UTRN: variants seen among roughly 807,000 people sequenced by gnomAD.
The protein encoded by UTRN is utrophin.
UTRN carries 283 observed loss-of-function variants against 463.9 expected under a neutral mutation model. The observed-to-expected ratio is 0.61, with a 90% CI of 0.55 to 0.67. UTRN has a LOEUF of 0.67. UTRN is among the 30% of genes least tolerant of loss of function. The probability of loss-of-function intolerance (pLI) is 0.00; values close to 1 mark genes in which losing one functional copy is unlikely to be tolerated. For synonymous variants in UTRN, 1,442 were observed against 1,431.5 expected, an observed-to-expected ratio of 1.01 and a Z score of -0.17; for missense variants, 3,922 against 4,084.3, an observed-to-expected ratio of 0.96 and a Z score of 1.08.
chr6:144,447,885 C>A, intron 16 of UTRN, 104 bp downstream of exon 16: 1 of 1,159,748 alleles, frequency 8.6e-7, no homozygotes, highest in Non-Finnish European at 1.2e-6. Context: ...AAAGTTGTTT[C>A]CTTACACCTG....
chr6:144,535,537 G>A (rs1160693954), intron 43 of UTRN, among the ~76,000 whole-genome samples: 2 of 152,036 alleles, frequency 1.3e-5, no homozygotes, highest in Non-Finnish European at 2.9e-5. Flanking sequence ...CTCATTTTTT[G>A]GAAGTGAAAA....
At chr6:144,473,474 C>CA (rs1790874336) in intron 23 of UTRN, among the ~76,000 whole-genome samples, 1 of 152,028 alleles carries the variant, frequency 6.6e-6, no homozygotes, top group African/African-American at 2.4e-5. Context: ...TGCATTTAAG[C>CA]AAAAAGAGCT....
chr6:144,714,620 T>G (rs760682048), intron 53 of UTRN, among the ~76,000 whole-genome samples: 5 of 152,208 alleles, frequency 3.3e-5, no homozygotes, highest in African/African-American at 9.6e-5. Flanking sequence ...TGCAATCACA[T>G]AGCCAGACCT....
chr6:144,748,319 A>G lies in UTRN; in HGVS notation c.8013A>G (p.Lys2671=). ...AACAGTCTTCTGAAGTCAAAGAAAAATGGGAAAGTCTAAATGCTGTAACTA... is the reference window on the plus strand; with the variant it reads ...AACAGTCTTCTGAAGTCAAAGAAAAGTGGGAAAGTCTAAATGCTGTAACTA... The part of the protein sequence containing the change: ...MRKQSSEVKE[K]WESLNAVTSN... The change falls in exon 55 of 75, where the codon AAA becomes AAG. Residue 2671 remains lysine (K), a synonymous_variant. Coordinates refer to ENST00000367545, the MANE Select transcript of UTRN (RefSeq NM_007124.3). The G allele has an allele frequency of 3.1e-6, 5 of 1,613,564 alleles. No homozygotes were observed. Among genetic ancestry groups the G allele is most frequent in the Non-Finnish European group, 4.2e-6 (5 of 1,179,900 alleles).
chr6:144,664,595 G>T (rs1291731172), intron 51 of UTRN, among the ~76,000 whole-genome samples: 2 of 151,028 alleles, frequency 1.3e-5, no homozygotes, highest in Non-Finnish European at 2.9e-5. Context: ...AATAGGAAAA[G>T]AACATTATTA....
intron 13 of UTRN, among the ~76,000 whole-genome samples, chr6:144,443,855 C>T (rs1787403188): frequency 6.6e-6 from 1 of 151,838 alleles, no homozygotes; most frequent in African/African-American, 2.4e-5. Context: ...ATTTTCTTGG[C>T]ATGTAAAAGA....
chr6:144,725,345 A>G (rs1787755671), intron 53 of UTRN, among the ~76,000 whole-genome samples: 1 of 152,190 alleles, frequency 6.6e-6, no homozygotes, highest in African/African-American at 2.4e-5. Flanking sequence ...TAAATTACCC[A>G]GTCTCAGGTA....
chr6:144,330,958 C>G (rs960462264), intron 2 of UTRN: 2 of 985,138 alleles, frequency 2.0e-6, no homozygotes, highest in Non-Finnish European at 2.4e-6. Context: ...CACGCTGAGC[C>G]GACGAGAAAT....
chr6:144,752,012 C>T, intron 56 of UTRN, 60 bp downstream of exon 56: 1 of 1,470,122 alleles, frequency 6.8e-7, no homozygotes, highest in Non-Finnish European at 9.1e-7. Flanking sequence ...TTAAACCCTA[C>T]CTCACTATAT....
At chr6:144,443,172 C>T (rs115616891) in intron 13 of UTRN, among the ~76,000 whole-genome samples, 2,062 of 152,210 alleles carry the variant, frequency 0.014, 40 homozygotes, top group African/African-American at 0.047. Flanking sequence ...TCTGGTAAGA[C>T]GTTGCCAATT....
intron 2 of UTRN, among the ~76,000 whole-genome samples, chr6:144,340,579 C>G (rs565846626): frequency 6.6e-6 from 1 of 152,286 alleles, no homozygotes; most frequent in Non-Finnish European, 1.5e-5. Context: ...CCAATTCTTT[C>G]TTTCCTTTTT....
chr6:144,547,878 A>G (rs1798549260), intron 46 of UTRN, among the ~76,000 whole-genome samples: 1 of 152,208 alleles, frequency 6.6e-6, no homozygotes, highest in African/African-American at 2.4e-5. Flanking sequence ...TGGGATTTTT[A>G]TTAGGATTGT....
chr6:144,450,153 C>G (rs1379459554), intron 17 of UTRN, among the ~76,000 whole-genome samples: 1 of 152,154 alleles, frequency 6.6e-6, no homozygotes, highest in Non-Finnish European at 1.5e-5. Context: ...CTGTTCTCGA[C>G]TCGTCTCTCT....
chr6:144,484,888 A>G (rs1157030110), intron 27 of UTRN, among the ~76,000 whole-genome samples: 1 of 151,538 alleles, frequency 6.6e-6, no homozygotes, highest in African/African-American at 2.4e-5. Flanking sequence ...CCCTTCACCA[A>G]CTGGTCTCAT....
At chr6:144,470,386 TG>T (rs1790440664) in intron 23 of UTRN, among the ~76,000 whole-genome samples, 1 of 139,714 alleles carries the variant, frequency 7.2e-6, no homozygotes, top group African/African-American at 2.7e-5. Flanking sequence ...ACTTACCAGA[TG>T]GGGTGGCTGC....
At chr6:144,322,043 C>T (rs1260800548) in intron 2 of UTRN, among the ~76,000 whole-genome samples, 1 of 152,174 alleles carries the variant, frequency 6.6e-6, no homozygotes, top group Non-Finnish European at 1.5e-5. Context: ...GGATTACGGG[C>T]GTGAGCACCC....
At chr6:144,543,282 A>C (rs1481807530) in intron 46 of UTRN, among the ~76,000 whole-genome samples, 1 of 152,240 alleles carries the variant, frequency 6.6e-6, no homozygotes, top group African/African-American at 2.4e-5. Flanking sequence ...CTGAGAACAA[A>C]AGGCTTAGAT....
rs191745889 is a variant in UTRN at position 144,553,682 on chromosome 6, C to T, written c.6929-1006C>T. 2.0e-3 allele frequency among the ~76,000 whole-genome samples: 301 copies of T among 152,058 alleles called. 5 individuals carry two copies. The East Asian group carries it at 0.043, about 22-fold the overall frequency. On this transcript the variant is annotated intron_variant, in intron 48 of 74. Coordinates refer to ENST00000367545, the MANE Select transcript of UTRN (RefSeq NM_007124.3). ...CTGTAATCCCAACACTTTGGGAGGCCGAGGCAGACAGATCACGAGGTCAGG... is the reference window on the plus strand; with the variant it reads ...CTGTAATCCCAACACTTTGGGAGGCTGAGGCAGACAGATCACGAGGTCAGG...
chr6:144,628,862 C>A (rs894164967), intron 51 of UTRN, among the ~76,000 whole-genome samples: 1 of 152,018 alleles, frequency 6.6e-6, no homozygotes, highest in African/African-American at 2.4e-5. Flanking sequence ...ACTGCCCGGG[C>A]AGATAGGAGG....
Sources: allele counts gnomAD v4.1 joint callset (sites outside exome capture counted in the v4.1 genomes callset), GRCh38; gene constraint gnomAD v4.1.1; transcripts MANE v1.5; gene names NCBI Gene and HGNC (gene_info 2026-07-23, HGNC 2026-07-21).